NT5C3A: variants seen among roughly 807,000 people sequenced by gnomAD.
NT5C3A encodes cytosolic 5'-nucleotidase 3A.
In NT5C3A, 23 loss-of-function variants were observed where a neutral mutation model predicts 40.0. The observed-to-expected ratio is 0.58, with a 90% confidence interval of 0.41 to 0.81. NT5C3A has a LOEUF of 0.81. NT5C3A is among the 40% of genes least tolerant of loss of function. The probability of loss-of-function intolerance (pLI) is 0.00; values close to 1 mark genes in which losing one functional copy is unlikely to be tolerated. For synonymous variants in NT5C3A, 130 were observed against 141.4 expected (o/e 0.92, Z 0.57); for missense variants, 328 against 403.0 (o/e 0.81, Z 1.59).
At chr7:33,027,446 C>T (rs1277609822) in intron 1 of NT5C3A, among the ~76,000 whole-genome samples, 1 of 152,160 alleles carries the variant, frequency 6.6e-6, no homozygotes, top group Admixed American at 6.6e-5. Flanking sequence ...GATAAAACTA[C>T]ATTTGTGATT....
intron 2 of NT5C3A, among the ~76,000 whole-genome samples, chr7:33,026,463 G>A (rs1174326363): frequency 5.3e-5 from 8 of 151,140 alleles, no homozygotes; most frequent in Admixed American, 5.3e-4. Context: ...TAAGTGATTA[G>A]CCTGCCTCAG....
At chr7:33,029,036 T>C (rs1786101937) in intron 1 of NT5C3A, among the ~76,000 whole-genome samples, 1 of 151,930 alleles carries the variant, frequency 6.6e-6, no homozygotes, top group Non-Finnish European at 1.5e-5. Context: ...ATGCTAACAT[T>C]AAAATTTTCT....
intron 1 of NT5C3A, among the ~76,000 whole-genome samples, chr7:33,055,626 G>C (rs145224067): frequency 6.6e-6 from 1 of 152,264 alleles, no homozygotes; most frequent in East Asian, 1.9e-4. Context: ...TGACTGGAAC[G>C]ACCATCTCAC....
intron 5 of NT5C3A, among the ~76,000 whole-genome samples, chr7:33,020,044 C>T (rs1477996963): frequency 6.6e-6 from 1 of 152,152 alleles, no homozygotes; most frequent in Admixed American, 6.6e-5. Flanking sequence ...ATAATCCTTT[C>T]TCTGATTGCA....
chr7:33,033,809 C>T (rs1419286239), intron 1 of NT5C3A, among the ~76,000 whole-genome samples: 1 of 150,646 alleles, frequency 6.6e-6, no homozygotes, highest in Non-Finnish European at 1.5e-5. Context: ...AAAGTCTGGA[C>T]AGAGAGATCT....
chr7:33,059,810 TCCATA>T (rs2128021695), intron 1 of NT5C3A, among the ~76,000 whole-genome samples: 1 of 152,360 alleles, frequency 6.6e-6, no homozygotes, highest in East Asian at 1.9e-4. Context: ...ATCCCTTATT[TCCATA>T]CCTGTTGCTA....
intron 1 of NT5C3A, among the ~76,000 whole-genome samples, chr7:33,040,165 A>G (rs901795768): frequency 6.6e-6 from 1 of 152,154 alleles, no homozygotes; most frequent in African/African-American, 2.4e-5. Context: ...GCTGCCAATA[A>G]AAACTAAGCA....
At chr7:33,038,713 C>A in intron 1 of NT5C3A, 1 of 369,562 alleles carries the variant, frequency 2.7e-6, no homozygotes, top group Non-Finnish European at 5.3e-6. Flanking sequence ...TGTAAAATGT[C>A]AGCATTCTGG....
chr7:33,017,182 CAAAAAAA>C (rs11286607), intron 7 of NT5C3A: 9 of 318,246 alleles, frequency 2.8e-5, no homozygotes, highest in Admixed American at 5.6e-5. Context: ...GACTCCATCT[CAAAAAAA>C]AAAAAAAAAA....
chr7:33,061,842 C>T (rs1787790457), intron 1 of NT5C3A, among the ~76,000 whole-genome samples: 2 of 152,108 alleles, frequency 1.3e-5, no homozygotes, highest in Non-Finnish European at 2.9e-5. Context: ...CAAAACGAAA[C>T]TAAATATCCT....
intron 1 of NT5C3A, among the ~76,000 whole-genome samples, chr7:33,043,143 TTCTC>T (rs1465390110): frequency 2.0e-5 from 3 of 152,202 alleles, no homozygotes; most frequent in African/African-American, 4.8e-5. Flanking sequence ...TCTAACTCAG[TTCTC>T]TCTAACTTCA....
chr7:33,036,676 T>C (rs17471224), intron 1 of NT5C3A, among the ~76,000 whole-genome samples: 3,630 of 152,248 alleles, frequency 0.024, 64 homozygotes, highest in Non-Finnish European at 0.036. Flanking sequence ...ATGAAGTTTG[T>C]GGGAAAATTA....
chr7:33,049,171 T>C (rs1787267289), intron 1 of NT5C3A, among the ~76,000 whole-genome samples: 1 of 151,886 alleles, frequency 6.6e-6, no homozygotes, highest in African/African-American at 2.4e-5. Flanking sequence ...ATACAAACAC[T>C]AAGAACATAT....
intron 1 of NT5C3A, among the ~76,000 whole-genome samples, chr7:33,037,629 T>C (rs1428676171): frequency 6.6e-6 from 1 of 152,302 alleles, no homozygotes; most frequent in East Asian, 1.9e-4. Context: ...TGTCTTTTTC[T>C]CCCTCTCTCA....
intron 1 of NT5C3A, among the ~76,000 whole-genome samples, chr7:33,031,052 A>G (rs1373854925): frequency 6.6e-6 from 1 of 150,704 alleles, no homozygotes; most frequent in Non-Finnish European, 1.5e-5. Context: ...GTGAGCCGAG[A>G]TCGCGCCACT....
chr7:33,032,448 T>A (rs1583927231), intron 1 of NT5C3A, among the ~76,000 whole-genome samples: 1 of 145,708 alleles, frequency 6.9e-6, no homozygotes, highest in African/African-American at 2.5e-5. Context: ...AAAAATTTAC[T>A]TTTATGTTTT....
At chr7:33,053,372 GAGA>G (rs1787447432) in intron 1 of NT5C3A, among the ~76,000 whole-genome samples, 1 of 152,110 alleles carries the variant, frequency 6.6e-6, no homozygotes, top group African/African-American at 2.4e-5. Flanking sequence ...ATTTTTAGTA[GAGA>G]CAGGGTTTCA....
At chr7:33,023,545 G>A (rs1174682440) in intron 3 of NT5C3A, among the ~76,000 whole-genome samples, 1 of 152,072 alleles carries the variant, frequency 6.6e-6, no homozygotes, top group Non-Finnish European at 1.5e-5. Flanking sequence ...AGGCATGAGT[G>A]ACCGCACCCA....
chr7:33,046,154 A>G (rs779131135), intron 1 of NT5C3A: 17 of 152,212 alleles, frequency 1.1e-4, no homozygotes, highest in Admixed American at 3.3e-4. Flanking sequence ...TGTGAGTGAG[A>G]CTGATTGCAG....
Sources: allele counts gnomAD v4.1 joint callset (sites outside exome capture counted in the v4.1 genomes callset), GRCh38; gene constraint gnomAD v4.1.1; transcripts MANE v1.5; gene names NCBI Gene and HGNC (gene_info 2026-07-23, HGNC 2026-07-21).